Variants in TASP1 observed in about 807,000 individuals in gnomAD.
The protein encoded by TASP1 is taspase 1, also known as threonine aspartase 1.
Under a neutral mutation model 56.6 loss-of-function variants are expected in TASP1, and 16 were observed. The ratio of observed to expected loss-of-function variants is 0.28; its 90% confidence interval spans 0.19 to 0.43. The LOEUF is 0.43. TASP1 is among the 20% of genes least tolerant of loss of function. The pLI, the probability that TASP1 is intolerant of heterozygous loss-of-function variation, is 1.00. For synonymous variants in TASP1, 179 were observed against 184.2 expected, an observed-to-expected ratio of 0.97 and a Z score of 0.23; for missense variants, 393 against 511.6, an observed-to-expected ratio of 0.77 and a Z score of 2.24.
chr20:13,261,772 T>C, the TASP1 span, among the ~76,000 whole-genome samples: 1 of 152,202 alleles, frequency 6.6e-6, no homozygotes, highest in East Asian at 1.9e-4. Context: ...TTGAGAAGAA[T>C]CCATCTCCTT....
chr20:13,330,354 C>G, the TASP1 span, among the ~76,000 whole-genome samples: 3 of 152,200 alleles, frequency 2.0e-5, no homozygotes, highest in African/African-American at 7.2e-5. Flanking sequence ...TTTTTGAATA[C>G]TGAATTAGTC....
chr20:13,360,865 C>G, the TASP1 span, among the ~76,000 whole-genome samples: 1 of 152,184 alleles, frequency 6.6e-6, no homozygotes, highest in Non-Finnish European at 1.5e-5. Flanking sequence ...CTCTGATCCA[C>G]CTGACATTCA....
intron 12 of TASP1, among the ~76,000 whole-genome samples, chr20:13,419,365 G>C (rs893387910): frequency 6.6e-6 from 1 of 152,098 alleles, no homozygotes; most frequent in African/African-American, 2.4e-5. Context: ...TTGAATCTGG[G>C]AAAAGGAATC....
chr20:13,220,688 C>A, the TASP1 span, among the ~76,000 whole-genome samples: 558 of 152,350 alleles, frequency 3.7e-3, 6 homozygotes, highest in African/African-American at 0.013. Context: ...CCGCGAACAG[C>A]CGTGCCCGGC....
intron 11 of TASP1, among the ~76,000 whole-genome samples, chr20:13,455,109 T>C (rs1347991611): frequency 6.6e-6 from 1 of 152,004 alleles, no homozygotes; most frequent in Non-Finnish European, 1.5e-5. Context: ...AATGCCTTCT[T>C]AAAAAAACAG....
intron 6 of TASP1, among the ~76,000 whole-genome samples, chr20:13,575,393 A>G (rs1194863554): frequency 6.6e-6 from 1 of 152,162 alleles, no homozygotes; most frequent in African/African-American, 2.4e-5. Flanking sequence ...TAACTGAATC[A>G]TGGGAGCAGG....
the TASP1 span, among the ~76,000 whole-genome samples, chr20:13,237,447 G>A: frequency 6.6e-6 from 1 of 152,216 alleles, no homozygotes; most frequent in Admixed American, 6.5e-5. Flanking sequence ...AATGTTGAGT[G>A]AAGGAAACCA....
At chr20:13,394,157 G>A (rs1404552954) in intron 13 of TASP1, among the ~76,000 whole-genome samples, 7 of 150,728 alleles carry the variant, frequency 4.6e-5, no homozygotes, top group East Asian at 3.9e-4. Context: ...GGTGGTGCAT[G>A]CCTGTAATCC....
chr20:13,420,394 A>T (rs184603121), intron 12 of TASP1, among the ~76,000 whole-genome samples: 64 of 152,344 alleles, frequency 4.2e-4, no homozygotes, highest in African/African-American at 1.4e-3. Context: ...TTTTAAAGAA[A>T]ATAACTCAAT....
the TASP1 span, among the ~76,000 whole-genome samples, chr20:13,156,432 T>C: frequency 3.9e-5 from 6 of 152,186 alleles, no homozygotes; most frequent in Admixed American, 2.0e-4. Context: ...TTATGCTCTA[T>C]GGTGTGATGA....
chr20:13,287,309 C>A, the TASP1 span, among the ~76,000 whole-genome samples: 35 of 152,260 alleles, frequency 2.3e-4, no homozygotes, highest in East Asian at 6.6e-3. Context: ...GGGGAACTCC[C>A]ATTTATAAAA....
At position 13,605,572 on chromosome 20, in the gene TASP1, C is replaced by T. The variant is rs770054947; in HGVS notation, c.282+17874G>A. Among the ~76,000 whole-genome samples the T allele has an allele frequency of 2.1e-3, 313 of 151,774 alleles. 4 individuals carry two copies. Among genetic ancestry groups the T allele is most frequent in the Non-Finnish European group, 4.6e-4 (31 of 67,946 alleles). On this transcript the variant is annotated intron_variant, in intron 4 of 13. Coordinates refer to ENST00000337743, the MANE Select transcript of TASP1 (RefSeq NM_017714.3). Reference sequence around the variant, plus strand: ...GTGCATGCCTGTAGTCCCAGCTGCTCGGGAGGGAGATCAGGGAGACTGCTT... The same window carrying T: ...GTGCATGCCTGTAGTCCCAGCTGCTTGGGAGGGAGATCAGGGAGACTGCTT...
the TASP1 span, among the ~76,000 whole-genome samples, chr20:13,381,176 T>G: frequency 6.6e-6 from 1 of 152,180 alleles, no homozygotes; most frequent in African/African-American, 2.4e-5. Context: ...CCGCCCAGTT[T>G]TGTGCTTGAA....
At chr20:13,561,662 T>C (rs2046348234) in intron 7 of TASP1, among the ~76,000 whole-genome samples, 1 of 152,160 alleles carries the variant, frequency 6.6e-6, no homozygotes, top group South Asian at 2.1e-4. Context: ...CCACCATGCC[T>C]AGCTTATTTT....
At chr20:13,246,383 C>A in the TASP1 span, among the ~76,000 whole-genome samples, 5,506 of 152,198 alleles carry the variant, frequency 0.036, 168 homozygotes, top group African/African-American at 0.077. Flanking sequence ...TTCCTGCTCC[C>A]TGCCTATCTG....
chr20:13,527,780 T>G (rs988700786), intron 10 of TASP1, among the ~76,000 whole-genome samples: 1 of 146,844 alleles, frequency 6.8e-6, no homozygotes, highest in Non-Finnish European at 1.5e-5. Context: ...ATGTCAACAT[T>G]TTACTCAAGA....
intron 11 of TASP1, among the ~76,000 whole-genome samples, chr20:13,463,287 T>C (rs926098712): frequency 5.3e-4 from 80 of 152,076 alleles, no homozygotes; most frequent in African/African-American, 1.8e-3. Context: ...TTTTCGATAA[T>C]GATGCTAGGA....
the TASP1 span, among the ~76,000 whole-genome samples, chr20:13,264,728 T>C: frequency 6.6e-6 from 1 of 152,206 alleles, no homozygotes; most frequent in Non-Finnish European, 1.5e-5. Context: ...TTCTTGGTGT[T>C]GGACCAGGAT....
At chr20:13,408,613 G>T (rs1229683246) in intron 13 of TASP1, among the ~76,000 whole-genome samples, 1 of 152,112 alleles carries the variant, frequency 6.6e-6, no homozygotes, top group Admixed American at 6.5e-5. Flanking sequence ...AAATGCCAGT[G>T]ATGCCATCTG....
Sources: allele counts gnomAD v4.1 joint callset (sites outside exome capture counted in the v4.1 genomes callset), GRCh38; gene constraint gnomAD v4.1.1; transcripts MANE v1.5; gene names NCBI Gene and HGNC (gene_info 2026-07-23, HGNC 2026-07-21).